AP4E1: variants seen among roughly 807,000 people sequenced by gnomAD.
AP4E1 encodes adaptor related protein complex 4 subunit epsilon 1.
Under a neutral mutation model 128.2 loss-of-function variants are expected in AP4E1, and 56 were observed. The ratio of observed to expected loss-of-function variants is 0.44; its 90% CI spans 0.35 to 0.55. The LOEUF is 0.55. AP4E1 is among the 20% of genes least tolerant of loss of function. The pLI is 0.00. For missense variants in AP4E1, 1,324 were observed against 1,307.7 expected, an observed-to-expected ratio of 1.01 and a Z score of -0.19; for synonymous variants, 484 against 473.1, an observed-to-expected ratio of 1.02 and a Z score of -0.30.
At chr15:50,917,642 A>C (rs2063645673) in intron 3 of AP4E1, among the ~76,000 whole-genome samples, 1 of 152,356 alleles carries the variant, frequency 6.6e-6, no homozygotes, top group Middle Eastern at 3.4e-3. Flanking sequence ...AAATTTATTC[A>C]GTATTCATGG....
intron 8 of AP4E1, among the ~76,000 whole-genome samples, chr15:50,939,439 G>A: frequency 6.6e-6 from 1 of 151,010 alleles, no homozygotes; most frequent in East Asian, 1.9e-4. Context: ...AAAAAAAAAA[G>A]AAATTCTCAG....
chr15:50,938,913 A>G (rs1412907370), intron 8 of AP4E1, among the ~76,000 whole-genome samples: 1 of 152,184 alleles, frequency 6.6e-6, no homozygotes, highest in Admixed American at 6.5e-5. Flanking sequence ...TGCCAGAATA[A>G]TGTCAGTAGA....
At chr15:50,983,720 C>G (rs956570058) in intron 15 of AP4E1, among the ~76,000 whole-genome samples, 3 of 152,086 alleles carry the variant, frequency 2.0e-5, no homozygotes, top group African/African-American at 7.2e-5. Flanking sequence ...TTTCAGTAGA[C>G]TTGGTTTATC....
chr15:50,934,815 G>T, intron 8 of AP4E1, 118 bp downstream of exon 8: 1 of 654,430 alleles, frequency 1.5e-6, no homozygotes, highest in Non-Finnish European at 2.7e-6. Flanking sequence ...TTTTAAGATA[G>T]TTCTTTGGAT....
At chr15:50,952,197 A>G (rs2064159378) in intron 13 of AP4E1, among the ~76,000 whole-genome samples, 1 of 152,128 alleles carries the variant, frequency 6.6e-6, no homozygotes, top group African/African-American at 2.4e-5. Context: ...ACATAAGTAT[A>G]AAACTGTTGT....
intron 7 of AP4E1, among the ~76,000 whole-genome samples, chr15:50,932,820 G>GA (rs1186351588): frequency 6.6e-6 from 1 of 152,184 alleles, no homozygotes; most frequent in African/African-American, 2.4e-5. Context: ...AACCTGCAGT[G>GA]AAAACGTAAG....
rs768447620 is a variant in AP4E1, at chr15:50,945,886, A to G, written c.1177-2134A>G. ...CTACAGCCAGATTCAGGAACAGTGC[A>G]TCATGAAAGAAGCTCGTCGAAGAAA... On this transcript the variant is annotated intron_variant, in intron 10 of 20. Transcript: ENST00000261842. The G allele has an allele frequency of 2.3e-4, 225 of 959,418 alleles. 1 individual carries two copies. The highest frequency in any genetic ancestry group is 2.1e-4 in the Middle Eastern group (1 of 4,798). 59.4% of individuals were successfully genotyped at this position (959,418 alleles called of 1,614,324 possible). A position where few individuals can be genotyped will look rare whatever the true frequency, so the allele number is the denominator to read the frequency against.
intron 13 of AP4E1, among the ~76,000 whole-genome samples, chr15:50,952,897 C>T (rs929296324): frequency 6.6e-6 from 1 of 152,036 alleles, no homozygotes; most frequent in African/African-American, 2.4e-5. Context: ...ATCAGTTTGT[C>T]CACTTATTGG....
intron 15 of AP4E1, among the ~76,000 whole-genome samples, chr15:50,972,214 C>G (rs914131899): frequency 6.6e-6 from 1 of 151,792 alleles, no homozygotes; most frequent in Non-Finnish European, 1.5e-5. Flanking sequence ...TTCTTTCTTT[C>G]TTTCTTTTTT....
chr15:50,997,216 T>C (rs950055757), intron 17 of AP4E1, 110 bp from the exon 18 acceptor site: 12 of 994,928 alleles, frequency 1.2e-5, no homozygotes, highest in African/African-American at 1.6e-5. Context: ...TCTTTATAGA[T>C]AGAACCTTAG....
rs199740395 is a variant in AP4E1, at chr15:50,941,490, C to A, written c.992C>A (p.Ser331Ter). 1.2e-6 allele frequency: 2 copies of A among 1,612,854 alleles called. No individual in the cohort carries two copies. The highest frequency in any genetic ancestry group is 1.3e-5 in the African/African-American group (1 of 75,002). The change falls in exon 9 of 21, where the codon TCG becomes TAG. Residue 331 changes from serine to a stop codon, truncating the protein, a stop_gained. Coordinates refer to ENST00000261842, the MANE Select transcript of AP4E1 (RefSeq NM_007347.5). LOFTEE classifies it high-confidence loss of function. ...ACAGTCTATTCTATTTATCCTAAAT[C>A]GGAATTACTTGAGAAGGCTGCCAAG... is the stretch of plus-strand genomic sequence containing the variant. ...VHTVYSIYPK[S>*]ELLEKAAKCI...
chr15:50,907,803 C>A (rs767821198), upstream of AP4E1, among the ~76,000 whole-genome samples: 1 of 152,204 alleles, frequency 6.6e-6, no homozygotes, highest in Admixed American at 6.5e-5. Flanking sequence ...AGGGTCTCAG[C>A]GACCCTGAGG....
intron 16 of AP4E1, among the ~76,000 whole-genome samples, chr15:50,988,117 G>T (rs1472669240): frequency 6.6e-6 from 1 of 152,070 alleles, no homozygotes; most frequent in African/African-American, 2.4e-5. Context: ...TAAGGTGATT[G>T]ATTTCACCTG....
At chr15:50,970,347 G>A (rs914519380) in intron 15 of AP4E1, among the ~76,000 whole-genome samples, 1 of 152,070 alleles carries the variant, frequency 6.6e-6, no homozygotes, top group Non-Finnish European at 1.5e-5. Context: ...TTCATCTGTT[G>A]TTGGACACCT....
At position 50,920,110 on chromosome 15, in the gene AP4E1, C is replaced by CTT. The variant is rs34342608; in HGVS notation, c.347-3801_347-3800dup. Among the ~76,000 whole-genome samples the CTT allele has an allele frequency of 2.3e-3, 117 of 50,086 alleles. 1 individual carries two copies. The highest frequency in any genetic ancestry group is 4.0e-3 in the East Asian group (8 of 1,996). 32.9% of individuals were successfully genotyped at this position (50,086 alleles called of 152,430 possible). A position where few individuals can be genotyped will look rare whatever the true frequency, so the allele number is the denominator to read the frequency against. On this transcript the variant is annotated intron_variant, in intron 3 of 20. Transcript: ENST00000261842. ...AAAAAAAAAAAGATAAAATTTATGCCTTTTTTTTTTTTTTTTTTTTTGAGA... is the reference window on the plus strand; with the variant it reads ...AAAAAAAAAAAGATAAAATTTATGCCTTTTTTTTTTTTTTTTTTTTTTTGAGA...
intron 2 of AP4E1, 110 bp from the exon 3 acceptor site, chr15:50,915,338 T>C (rs1380659504): frequency 8.7e-7 from 1 of 1,153,258 alleles, no homozygotes; most frequent in African/African-American, 1.6e-5. Flanking sequence ...ATATATGTTA[T>C]TTCTTCAGCA....
In AP4E1 at chr15:50,966,590, G is replaced by A. The variant is rs537564575; in HGVS notation, c.1852-1673G>A. Among the ~76,000 whole-genome samples the A allele has an allele frequency of 2.8e-5, 4 of 142,608 alleles. No individual in the cohort carries two copies. The South Asian group carries it at 8.9e-4, about 32-fold the overall frequency. The allele number at this position is 142,608 out of a possible 152,430, so 93.6% of individuals were successfully genotyped here. On this transcript the variant is annotated intron_variant, in intron 14 of 20. Coordinates refer to ENST00000261842, the MANE Select transcript of AP4E1 (RefSeq NM_007347.5). ...TCACTCTTGTCACCCAGGCTGGAGTGCAATGGTACGATCTCGGCTCACTGC... is the reference window on the plus strand; with the variant it reads ...TCACTCTTGTCACCCAGGCTGGAGTACAATGGTACGATCTCGGCTCACTGC...
intron 3 of AP4E1, chr15:50,915,795 C>A: frequency 1.9e-6 from 1 of 533,558 alleles, no homozygotes; most frequent in South Asian, 2.2e-5. Context: ...AGATTTCTTG[C>A]TCTTGTGATG....
rs139640763 is a variant in AP4E1 at position 51,002,562 on chromosome 15, G to A, written c.3314G>A (p.Arg1105Gln). Reference sequence around the variant, plus strand: ...TCCATCCCCTGCTTACTGCATTGCCGAGTTCATGCAGATGTATTAGCCCTG... The same window carrying A: ...TCCATCCCCTGCTTACTGCATTGCCAAGTTCATGCAGATGTATTAGCCCTG... Reference protein sequence around the residue: ...LPSIPCLLHCRVHADVLALWF... With the variant: ...LPSIPCLLHCQVHADVLALWF... Residue 1105 changes from arginine (R) to glutamine (Q), a missense_variant, in exon 21 of 21, where the codon CGA becomes CAA. By Grantham distance (43) the Arg-to-Gln change is conservative. Coordinates refer to ENST00000261842, the MANE Select transcript of AP4E1 (RefSeq NM_007347.5). 49 of 1,614,010 alleles carry A rather than the reference G, an allele frequency of 3.0e-5. No homozygotes were observed. The African/African-American group carries it at 4.0e-4, about 13-fold the overall frequency.
Sources: gnomAD v4.1 joint callset for allele counts (sites outside exome capture counted in the v4.1 genomes callset) on GRCh38, gnomAD v4.1.1 for gene constraint, MANE v1.5 for transcripts, NCBI Gene and HGNC (gene_info 2026-07-23, HGNC 2026-07-21) for gene names.